TMEM25: variants seen among roughly 807,000 people sequenced by gnomAD.
TMEM25 encodes the protein 0610039J01Rik.
TMEM25 carries 36 observed loss-of-function variants against 37.0 expected under a neutral mutation model. The ratio of observed to expected loss-of-function variants is 0.97; its 90% CI spans 0.75 to 1.28. TMEM25 has a LOEUF of 1.28. Ranked by LOEUF, TMEM25 falls within the 50% of genes most tolerant of loss-of-function variation. The probability of loss-of-function intolerance (pLI) is 0.00; values close to 1 mark genes in which losing one functional copy is unlikely to be tolerated. For missense variants in TMEM25, 444 were observed against 477.9 expected (o/e 0.93, Z 0.66); for synonymous variants, 197 against 203.7 (o/e 0.97, Z 0.28).
chr11:118,533,486 G>T lies in TMEM25; in HGVS notation c.740G>T (p.Gly247Val). The stretch of plus-strand genomic sequence containing the variant: ...GTTGTGGCTGCTGGGCTTGCACTGG[G>T]CACCCTCGTGGGGTTCAGCACCTTG... ...GIVVAAGLAL[G>V]TLVGFSTLVA... is the part of the protein sequence containing the mutation. The change falls in exon 5 of 9, where the codon GGC becomes GTC. Residue 247 changes from glycine to valine, a missense_variant. Gly to Val is a moderately radical substitution (Grantham distance 109, BLOSUM62 -3). Coordinates refer to ENST00000313236, the MANE Select transcript of TMEM25 (RefSeq NM_032780.4). 6.2e-7 allele frequency: 1 copy of T among 1,614,212 alleles called. No homozygotes were observed. Among genetic ancestry groups the T allele is most frequent in the Non-Finnish European group, 8.5e-7 (1 of 1,180,034 alleles).
rs1178446013 is a variant in TMEM25 at position 118,532,662 on chromosome 11, G to A, written c.382+201G>A. The stretch of plus-strand genomic sequence containing the variant: ...AAATAAGAAAACTGAGGCAGAAAGA[G>A]GTAAGCAATCTGCCCAGGGTGATGA... On this transcript the variant is annotated intron_variant, in intron 3 of 8. Transcript: ENST00000313236. The A allele has an allele frequency of 1.1e-5, 9 of 793,298 alleles. No individual in the cohort carries two copies. In the East Asian group the frequency reaches 2.2e-4, roughly 19 times the overall value. 49.1% of individuals were successfully genotyped at this position (793,298 alleles called of 1,614,324 possible). A position where few individuals can be genotyped will look rare whatever the true frequency, so the allele number is the denominator to read the frequency against.
At chr11:118,545,609 GT>G (rs1375019999) in intron 8 of TMEM25, 5 of 1,084,766 alleles carry the variant, frequency 4.6e-6, no homozygotes, top group Non-Finnish European at 7.0e-6. Flanking sequence ...GACTTTGGGG[GT>G]TAAATACCCA....
chr11:118,541,418 C>T (rs1437185795), intron 8 of TMEM25, among the ~76,000 whole-genome samples: 9 of 146,396 alleles, frequency 6.1e-5, no homozygotes, highest in Non-Finnish European at 8.9e-5. Flanking sequence ...GCCAAGATTG[C>T]GCCACTGCAC....
chr11:118,534,892 A>C lies in TMEM25; in HGVS notation c.*312A>C. 1 of 1,238,774 alleles carries C rather than the reference A, an allele frequency of 8.1e-7. No homozygotes were observed. The highest frequency in any genetic ancestry group is 1.0e-6 in the Non-Finnish European group (1 of 980,718). The allele number at this position is 1,238,774 out of a possible 1,614,324, so 76.7% of individuals were successfully genotyped here. On this transcript the variant is annotated 3_prime_UTR_variant, in exon 9 of 9. Coordinates refer to ENST00000313236, the MANE Select transcript of TMEM25 (RefSeq NM_032780.4). This position sits in a 1 kb window ranked among gnomAD's most constrained non-coding sequence, Gnocchi z 4.6. ...CTTTGGCCAGGGGTGTTCAGATGTC[A>C]TCCAGCATCCAAGTGTGGCATGGCC...
At chr11:118,532,511 C>T (rs561840081) in intron 3 of TMEM25, 50 bp downstream of exon 3, 1 of 1,550,966 alleles carries the variant, frequency 6.4e-7, no homozygotes, top group South Asian at 1.2e-5. Flanking sequence ...CCCAGGGACC[C>T]CCAGCACCCA....
At chr11:118,535,939 G>A (rs574898932), downstream of TMEM25, 149 of 749,526 alleles carry the variant, frequency 2.0e-4, no homozygotes, top group Admixed American at 7.9e-3. Context: ...GTGCAGCGGC[G>A]CGATCTTGGC....
intron 2 of TMEM25, 33 bp from the exon 3 acceptor site, chr11:118,532,117 A>T: frequency 6.6e-7 from 1 of 1,509,950 alleles, no homozygotes; most frequent in Non-Finnish European, 8.9e-7. Flanking sequence ...ACCGTGCCTG[A>T]GCCCTTCCCA....
Position 118,533,864 on chromosome 11 carries a change from C to T in TMEM25, c.813C>T (p.Ser271=), listed in dbSNP as rs1400189305. 28 of 1,613,922 alleles carry T rather than the reference C, an allele frequency of 1.7e-5. No individual in the cohort carries two copies. The highest frequency in any genetic ancestry group is 2.4e-5 in the Non-Finnish European group (28 of 1,179,994). ...TGGTTTCTTTCTCCACAGGCCCCTC[C>T]CGGCACCCATCTCTGATATCAAGGT... ...CRKEKKTKGP[S]RHPSLISSDS... is the part of the protein sequence containing the mutation. Residue 271 remains serine, a synonymous_variant, in exon 6 of 9, where the codon TCC becomes TCT. Transcript: ENST00000313236.
rs3741323 is a variant in TMEM25, at chr11:118,534,926, A to G, written c.*346A>G. 0.15 allele frequency: 171,038 copies of G among 1,172,170 alleles called. 14,772 individuals are homozygous for G. The highest frequency in any genetic ancestry group is 0.47 in the East Asian group (8,660 of 18,332). 72.6% of individuals were successfully genotyped at this position (1,172,170 alleles called of 1,614,324 possible). ...CCAAGTGTGGCATGGCCTGCTGTAT[A>G]CCCCACCCCAGTACTCCACAGCACC... is the stretch of plus-strand genomic sequence containing the variant. On this transcript the variant is annotated 3_prime_UTR_variant, in exon 9 of 9. Coordinates refer to ENST00000313236, the MANE Select transcript of TMEM25 (RefSeq NM_032780.4). This position sits in a 1 kb window ranked among gnomAD's most constrained non-coding sequence, Gnocchi z 4.6.
Position 118,534,639 on chromosome 11 carries a change from G to T in TMEM25, c.*59G>T. The T allele has an allele frequency of 3.1e-6, 5 of 1,598,546 alleles. No individual in the cohort carries two copies. The highest frequency in any genetic ancestry group is 4.3e-6 in the Non-Finnish European group (5 of 1,170,160). ...CTGGACACCCTCCCGTTCCTCCAAG[G>T]CATCCTCTACCTAGCTAGGTCACCA... On this transcript the variant is annotated 3_prime_UTR_variant, in exon 9 of 9. Coordinates refer to ENST00000313236, the MANE Select transcript of TMEM25 (RefSeq NM_032780.4). This position sits in a 1 kb window ranked among gnomAD's most constrained non-coding sequence, Gnocchi z 4.6.
Position 118,532,354 on chromosome 11 carries a change from G to T in TMEM25, c.275G>T (p.Ser92Ile), listed in dbSNP as rs146752919. 2.7e-3 allele frequency: 4,420 copies of T among 1,614,210 alleles called. 12 individuals are homozygous for T. The highest frequency in any genetic ancestry group is 3.2e-3 in the Non-Finnish European group (3,783 of 1,180,028). Residue 92 changes from serine (S) to isoleucine (I), a missense_variant, in exon 3 of 9, where the codon AGC (serine) becomes ATC (isoleucine). Transcript: ENST00000313236. ...VGGEAFSGGTSTFTVTAHRAQ... is the reference protein window; with the variant it reads ...VGGEAFSGGTITFTVTAHRAQ... ...GGGGAGGCCTTCTCTGGAGGCACCA[G>T]CACCTTCACTGTCACTGCCCATCGG...
Position 118,531,880 on chromosome 11 carries a change from C to G in TMEM25, c.70+9C>G, listed in dbSNP as rs1555058622. On this transcript the variant is annotated intron_variant, in intron 2 of 8. Coordinates refer to ENST00000313236, the MANE Select transcript of TMEM25 (RefSeq NM_032780.4). The stretch of plus-strand genomic sequence containing the variant: ...AGCCCTTCTGAGCTCAGGTACACCC[C>G]TGTTCAGTCGTTGACCAAGTCCTTC... 2 of 1,551,492 alleles carry G rather than the reference C, an allele frequency of 1.3e-6. No individual in the cohort carries two copies. The highest frequency in any genetic ancestry group is 2.4e-5 in the East Asian group (1 of 40,926).
rs1565336600 is a variant in TMEM25 at position 118,535,128 on chromosome 11, C to A, written c.*548C>A. On this transcript the variant is annotated 3_prime_UTR_variant, in exon 9 of 9. Transcript: ENST00000313236. ...CCAACCCCTGACCCAGCGGTACCGG[C>A]CAAGCACAAACGTCCTTTTTGCTGC... The A allele has an allele frequency of 4.9e-6, 5 of 1,022,544 alleles. No individual in the cohort carries two copies. Among genetic ancestry groups the A allele is most frequent in the Non-Finnish European group, 5.9e-6 (5 of 854,102 alleles). The allele number at this position is 1,022,544 out of a possible 1,614,324, so 63.3% of individuals were successfully genotyped here. A position where few individuals can be genotyped will look rare whatever the true frequency, so the allele number is the denominator to read the frequency against.
In TMEM25 at chr11:118,531,775, C is replaced by T; in HGVS notation, c.-27C>T. On this transcript the variant is annotated splice_region_variant and 5_prime_UTR_variant, in exon 2 of 9. Transcript: ENST00000313236. Reference sequence around the variant, plus strand: ...TGACAGGCCCGCCCCCTTCTCTCAGCAGCCTAGGGCCTAGGCCCGGGCCAC... The same window carrying T: ...TGACAGGCCCGCCCCCTTCTCTCAGTAGCCTAGGGCCTAGGCCCGGGCCAC... 6.5e-7 allele frequency: 1 copy of T among 1,540,434 alleles called. No individual in the cohort carries two copies. The highest frequency in any genetic ancestry group is 1.2e-5 in the South Asian group (1 of 83,498).
chr11:118,541,656 G>A (rs1298055502), intron 8 of TMEM25, among the ~76,000 whole-genome samples: 3 of 152,126 alleles, frequency 2.0e-5, no homozygotes, highest in African/African-American at 7.2e-5. Flanking sequence ...ACCAGGTAGT[G>A]AGCATAGTAT....
chr11:118,544,955 G>A (rs782608683), intron 8 of TMEM25: 1 of 1,613,704 alleles, frequency 6.2e-7, no homozygotes, highest in African/African-American at 1.3e-5. Context: ...CAGCTTGGGA[G>A]GTGGAATTGG....
At chr11:118,533,327 G>C (rs1284283210) in intron 4 of TMEM25, 93 bp from the exon 5 acceptor site, 4 of 1,584,000 alleles carry the variant, frequency 2.5e-6, no homozygotes, top group Non-Finnish European at 2.6e-6. Flanking sequence ...ACTGTCCCCA[G>C]CCACCCTGGG....
chr11:118,538,969 G>A (rs187592445), downstream of TMEM25, among the ~76,000 whole-genome samples: 1 of 150,708 alleles, frequency 6.6e-6, no homozygotes, highest in Admixed American at 6.6e-5. Flanking sequence ...TTTTCCTGTT[G>A]AGTTGTTTGA....
At position 118,545,421 on chromosome 11, in the gene TMEM25, G is replaced by C. The variant is rs906206743; in HGVS notation, c.1028-698G>C. ...ATGCTTGGCTCACCTGTGAGTTCTT[G>C]AATTCTGAGTAGAGGGAAAAGAGCA... On this transcript the variant is annotated intron_variant, in intron 8 of 8. Coordinates refer to the TMEM25 transcript ENST00000354284. The C allele has an allele frequency of 6.2e-7, 1 of 1,611,806 alleles. No homozygotes were observed. Among genetic ancestry groups the C allele is most frequent in the Non-Finnish European group, 8.5e-7 (1 of 1,177,938 alleles).
Sources: gnomAD v4.1 joint callset for allele counts (sites outside exome capture counted in the v4.1 genomes callset) on GRCh38, gnomAD v4.1.1 for gene constraint, Gnocchi (gnomAD v3.1) non-coding constraint, MANE v1.5 for transcripts, NCBI Gene and HGNC (gene_info 2026-07-23, HGNC 2026-07-21) for gene names.